AR: variants seen among roughly 807,000 people sequenced by gnomAD.
AR encodes the protein androgen receptor.
Under a neutral mutation model 53.9 loss-of-function variants are expected in AR, and 8 were observed. The observed-to-expected ratio is 0.15, with a 90% confidence interval of 0.09 to 0.27. The LOEUF is 0.27. Ranked by LOEUF, AR falls within the 10% of genes least tolerant of loss-of-function variation. The pLI is 1.00. For synonymous variants in AR, 359 were observed against 316.4 expected, an observed-to-expected ratio of 1.13 and a Z score of -1.43; for missense variants, 639 against 742.5, an observed-to-expected ratio of 0.86 and a Z score of 1.62.
At chrX:67,627,522 T>A (rs1157129277) in intron 1 of AR, among the ~76,000 whole-genome samples, 1 of 111,796 alleles carries the variant, frequency 8.9e-6, no homozygotes, top group African/African-American at 3.3e-5. Flanking sequence ...TTGTAGATTC[T>A]GGATATTAGC....
At chrX:67,640,349 G>C (rs1925680747) in intron 1 of AR, among the ~76,000 whole-genome samples, 1 of 111,140 alleles carries the variant, frequency 9.0e-6, no homozygotes, top group Non-Finnish European at 1.9e-5. Flanking sequence ...GAGTTAGGGA[G>C]GATTCCTTCT....
At chrX:67,579,861 A>G (rs777718286) in intron 1 of AR, among the ~76,000 whole-genome samples, 4 of 111,548 alleles carry the variant, frequency 3.6e-5, no homozygotes, top group Non-Finnish European at 7.5e-5. Context: ...CAAACATTGT[A>G]ATTTCTCATC....
chrX:67,696,240 T>C (rs763123756), intron 3 of AR, among the ~76,000 whole-genome samples: 1 of 111,184 alleles, frequency 9.0e-6, no homozygotes, highest in East Asian at 2.8e-4. Context: ...TCAGTTTAAA[T>C]GTAATTGTAA....
intron 2 of AR, among the ~76,000 whole-genome samples, chrX:67,666,321 T>C (rs1378712079): frequency 8.9e-6 from 1 of 111,848 alleles, no homozygotes; most frequent in Non-Finnish European, 1.9e-5. Flanking sequence ...AAGTTTGTCT[T>C]TCTGTGCCTG....
At chrX:67,648,120 T>G (rs772688828) in intron 2 of AR, among the ~76,000 whole-genome samples, 2 of 111,382 alleles carry the variant, frequency 1.8e-5, no homozygotes, top group African/African-American at 6.5e-5. Flanking sequence ...CCAGTCAAAG[T>G]TTGAACAACT....
In AR at chrX:67,726,853, G is replaced by C. The variant is rs73227886; in HGVS notation, c.*3012G>C. The C allele has an allele frequency of 0.018, 3,199 of 173,991 alleles. 27 individuals carry two copies. Among genetic ancestry groups the C allele is most frequent in the Non-Finnish European group, 0.028 (2,517 of 91,170 alleles). 14.3% of individuals were successfully genotyped at this position (173,991 alleles called of 1,213,427 possible). On this transcript the variant is annotated 3_prime_UTR_variant, in exon 8 of 8. Transcript: ENST00000374690. ...TATGGTTGGTATACTGTACTCACCT[G>C]TGAGGGACTGGCCACTCAGACCCAC...
chrX:67,711,292 C>G, intron 3 of AR, 110 bp from the exon 4 acceptor site: 1 of 848,340 alleles, frequency 1.2e-6, no homozygotes, highest in Non-Finnish European at 1.7e-6. Flanking sequence ...GAGTCTGTGA[C>G]CAGGGAGAAT....
At chrX:67,596,880 C>T (rs905019845) in intron 1 of AR, among the ~76,000 whole-genome samples, 1 of 111,704 alleles carries the variant, frequency 9.0e-6, no homozygotes, top group Non-Finnish European at 1.9e-5. Context: ...TTCTAGTTAT[C>T]TCTCTCTTTA....
intron 1 of AR, among the ~76,000 whole-genome samples, chrX:67,560,415 T>G (rs1921246271): frequency 8.9e-6 from 1 of 111,920 alleles, no homozygotes; most frequent in South Asian, 3.7e-4. Flanking sequence ...TTTCCAAAGT[T>G]TAGCTCCAAT....
intron 1 of AR, among the ~76,000 whole-genome samples, chrX:67,567,025 T>TTTTG (rs1243216554): frequency 2.7e-5 from 3 of 111,270 alleles, no homozygotes; most frequent in Non-Finnish European, 5.7e-5. Context: ...TTGTTCAGTT[T>TTTTG]TTTGTTTGTT....
At chrX:67,623,609 A>G in intron 1 of AR, among the ~76,000 whole-genome samples, 1 of 111,380 alleles carries the variant, frequency 9.0e-6, no homozygotes, top group East Asian at 2.8e-4. Context: ...GCAAACTACA[A>G]AGAAAGCAGG....
chrX:67,645,857 C>A (rs1017933357), intron 2 of AR, among the ~76,000 whole-genome samples: 1 of 111,562 alleles, frequency 9.0e-6, no homozygotes, highest in Non-Finnish European at 1.9e-5. Context: ...TGTTTGAAGG[C>A]AGGGGGCTGT....
rs920392627 is a variant in AR, at chrX:67,653,560, C to T, written c.1768+10153C>T. Among the ~76,000 whole-genome samples the T allele has an allele frequency of 4.5e-5, 5 of 111,174 alleles. No individual in the cohort carries two copies. The East Asian group carries it at 8.5e-4, about 19-fold the overall frequency. On this transcript the variant is annotated intron_variant, in intron 2 of 7. Coordinates refer to ENST00000374690, the MANE Select transcript of AR (RefSeq NM_000044.6). ...GACACGGCGATGTGAAAGTGGGAGGCTTGTTTGGGGAACATTATGGAATCT... is the reference window on the plus strand; with the variant it reads ...GACACGGCGATGTGAAAGTGGGAGGTTTGTTTGGGGAACATTATGGAATCT...
chrX:67,685,961 T>C (rs1602255327), intron 2 of AR, 49 bp from the exon 3 acceptor site: 1 of 1,207,340 alleles, frequency 8.3e-7, no homozygotes, highest in African/African-American at 1.7e-5. Flanking sequence ...AGAAAGAGAC[T>C]CTGGAAACTC....
intron 1 of AR, among the ~76,000 whole-genome samples, chrX:67,637,968 C>T (rs926877772): frequency 4.5e-5 from 5 of 110,755 alleles, no homozygotes; most frequent in Non-Finnish European, 9.5e-5. Context: ...AATGCTATTC[C>T]CTCCCTTGCC....
intron 1 of AR, among the ~76,000 whole-genome samples, chrX:67,555,243 A>C (rs1223486052): frequency 5.4e-5 from 6 of 111,987 alleles, no homozygotes; most frequent in Non-Finnish European, 1.1e-4. Context: ...CAGCAATGTT[A>C]CCTGTGGCTG....
chrX:67,686,334 G>A (rs956259657), intron 3 of AR, among the ~76,000 whole-genome samples: 6 of 111,059 alleles, frequency 5.4e-5, no homozygotes, highest in African/African-American at 1.6e-4. Context: ...TCCCCATTCC[G>A]GGGCTCAGCA....
chrX:67,712,491 T>G (rs2076097739), intron 4 of AR, among the ~76,000 whole-genome samples: 1 of 112,511 alleles, frequency 8.9e-6, no homozygotes, highest in South Asian at 3.6e-4. Context: ...TATTACAGCT[T>G]AAGGAATTCT....
At chrX:67,662,614 A>C (rs1461613675) in intron 2 of AR, among the ~76,000 whole-genome samples, 2 of 111,073 alleles carry the variant, frequency 1.8e-5, no homozygotes, top group South Asian at 7.7e-4. Flanking sequence ...ACTTCCAACT[A>C]TGTGGTCAAT....
Sources: gnomAD v4.1 joint callset for allele counts (sites outside exome capture counted in the v4.1 genomes callset) on GRCh38, gnomAD v4.1.1 for gene constraint, MANE v1.5 for transcripts, NCBI Gene and HGNC (gene_info 2026-07-23, HGNC 2026-07-21) for gene names.